The following DOK6 variants were observed in gnomAD, a reference collection of about 807,000 sequenced individuals.
The protein encoded by DOK6 is downstream of tyrosine kinase 6.
In DOK6, 22 loss-of-function variants were observed where a neutral mutation model predicts 44.0. That is an observed-to-expected ratio of 0.50 (90% CI 0.36 to 0.71). The LOEUF is 0.71. Ranked by LOEUF, DOK6 falls within the 30% of genes least tolerant of loss-of-function variation. The pLI, the probability that DOK6 is intolerant of heterozygous loss-of-function variation, is 0.00. For missense variants in DOK6, 340 were observed against 416.4 expected (o/e 0.82, Z 1.60); for synonymous variants, 166 against 145.5 (o/e 1.14, Z -1.01).
intron 4 of DOK6, among the ~76,000 whole-genome samples, chr18:69,688,475 G>A (rs773848371): frequency 1.2e-4 from 18 of 152,194 alleles, no homozygotes; most frequent in Non-Finnish European, 2.1e-4. Context: ...CAGAGATCCA[G>A]GGAACAGAAC....
chr18:69,777,012 G>GGGGGGAA (rs1555670325), intron 7 of DOK6, among the ~76,000 whole-genome samples: 2 of 107,982 alleles, frequency 1.9e-5, no homozygotes, highest in South Asian at 3.7e-4. Context: ...GGTGGGGGGA[G>GGGGGGAA]GGATAGCATT....
At chr18:69,805,701 T>A (rs1020315969) in intron 7 of DOK6, among the ~76,000 whole-genome samples, 7 of 152,032 alleles carry the variant, frequency 4.6e-5, no homozygotes, top group Admixed American at 1.3e-4. Context: ...CACCAAAAAA[T>A]CCTGATCTAA....
chr18:69,785,309 G>A (rs753969561), intron 7 of DOK6, among the ~76,000 whole-genome samples: 15 of 152,102 alleles, frequency 9.9e-5, no homozygotes, highest in Non-Finnish European at 1.6e-4. Flanking sequence ...TTGCAATTAC[G>A]CATTTGGTTC....
At chr18:69,619,500 T>A (rs1051751957) in intron 3 of DOK6, among the ~76,000 whole-genome samples, 1 of 152,250 alleles carries the variant, frequency 6.6e-6, no homozygotes, top group Non-Finnish European at 1.5e-5. Context: ...CGGCACTACA[T>A]GCCTCTTGGA....
At chr18:69,700,712 C>T (rs1986500791) in intron 5 of DOK6, among the ~76,000 whole-genome samples, 3 of 152,124 alleles carry the variant, frequency 2.0e-5, no homozygotes, top group Admixed American at 2.0e-4. Context: ...GATGACTTCA[C>T]TGTTGTTAAA....
At chr18:69,521,446 T>TTA (rs1555709630) in intron 1 of DOK6, among the ~76,000 whole-genome samples, 13 of 146,770 alleles carry the variant, frequency 8.9e-5, no homozygotes, top group African/African-American at 2.5e-4. Context: ...TACAGTCATT[T>TTA]AAAAAAAAAA....
chr18:69,797,275 A>G (rs539739512), intron 7 of DOK6, among the ~76,000 whole-genome samples: 1 of 152,142 alleles, frequency 6.6e-6, no homozygotes, highest in African/African-American at 2.4e-5. Context: ...CATCTTTTTT[A>G]TGGTAATGAA....
intron 1 of DOK6, among the ~76,000 whole-genome samples, chr18:69,551,079 G>A (rs1317235144): frequency 6.6e-6 from 1 of 151,972 alleles, no homozygotes; most frequent in Admixed American, 6.6e-5. Flanking sequence ...AATCAAAGCA[G>A]TAGAAAGGAA....
intron 1 of DOK6, among the ~76,000 whole-genome samples, chr18:69,512,544 A>G (rs975269984): frequency 5.9e-5 from 9 of 151,890 alleles, no homozygotes; most frequent in Non-Finnish European, 1.2e-4. Context: ...GAGTTTTGCC[A>G]TGTTGGCCAG....
chr18:69,616,677 A>G (rs11662408), intron 3 of DOK6, among the ~76,000 whole-genome samples: 92,600 of 152,016 alleles, frequency 0.61, 28,277 homozygotes, highest in South Asian at 0.68. Flanking sequence ...TTATTTTTGT[A>G]CATTAAGAAA....
intron 4 of DOK6, among the ~76,000 whole-genome samples, chr18:69,680,870 G>A (rs1288792086): frequency 6.6e-6 from 1 of 152,238 alleles, no homozygotes; most frequent in Non-Finnish European, 1.5e-5. Context: ...TGTAGGGAAA[G>A]CATTTTAGCT....
chr18:69,746,062 T>C (rs1381681103), intron 6 of DOK6, among the ~76,000 whole-genome samples: 2 of 152,194 alleles, frequency 1.3e-5, no homozygotes, highest in Non-Finnish European at 2.9e-5. Context: ...AGCAGCTCTG[T>C]AAATGTGTCT....
intron 6 of DOK6, among the ~76,000 whole-genome samples, chr18:69,747,967 A>G (rs58279417): frequency 0.011 from 1,651 of 152,276 alleles, 29 homozygotes; most frequent in African/African-American, 0.038. Flanking sequence ...GGTCAAAACA[A>G]TCACCAAGAA....
chr18:69,627,522 C>A (rs1397841891), intron 3 of DOK6, among the ~76,000 whole-genome samples: 1 of 152,152 alleles, frequency 6.6e-6, no homozygotes, highest in Admixed American at 6.5e-5. Context: ...CATCTCGGCT[C>A]ACTGCAACCT....
chr18:69,427,836 G>A (rs1405398539), intron 1 of DOK6, among the ~76,000 whole-genome samples: 1 of 150,966 alleles, frequency 6.6e-6, no homozygotes, highest in Non-Finnish European at 1.5e-5. Context: ...GGAGTACAAT[G>A]GCGTGATCTC....
At chr18:69,588,503 T>C (rs1011890622) in intron 2 of DOK6, among the ~76,000 whole-genome samples, 1 of 152,158 alleles carries the variant, frequency 6.6e-6, no homozygotes, top group African/African-American at 2.4e-5. Flanking sequence ...AGGCTGGTTT[T>C]ATCATGAAGC....
chr18:69,466,935 T>C (rs1475754256), intron 1 of DOK6, among the ~76,000 whole-genome samples: 4 of 152,170 alleles, frequency 2.6e-5, no homozygotes, highest in Non-Finnish European at 5.9e-5. Context: ...ATAGTAACTT[T>C]CTTTCATTTT....
rs199985157 is a variant in DOK6, at chr18:69,531,502, G to GT, written c.67-32975dup. On this transcript the variant is annotated intron_variant, in intron 1 of 7. Coordinates refer to ENST00000382713, the MANE Select transcript of DOK6 (RefSeq NM_152721.6). ...ATAAATGGGTGAGTCCACTGCCACT[G>GT]TTTTTTTTTTCTGGTTTGAGAATTC... Among the ~76,000 whole-genome samples, 536 of 147,396 alleles carry GT rather than the reference G, an allele frequency of 3.6e-3. 4 individuals are homozygous for GT. In the East Asian group the frequency reaches 0.04, roughly 11 times the overall value.
intron 1 of DOK6, among the ~76,000 whole-genome samples, chr18:69,459,995 T>A (rs918745763): frequency 6.6e-6 from 1 of 152,230 alleles, no homozygotes; most frequent in Non-Finnish European, 1.5e-5. Context: ...TTATAACCAA[T>A]TTATCTCATT....
Sources: gnomAD v4.1 joint callset for allele counts (sites outside exome capture counted in the v4.1 genomes callset) on GRCh38, gnomAD v4.1.1 for gene constraint, MANE v1.5 for transcripts, NCBI Gene and HGNC (gene_info 2026-07-23, HGNC 2026-07-21) for gene names.